FARS2: variants seen among roughly 807,000 people sequenced by gnomAD.
The protein encoded by FARS2 is phenylalanine--tRNA ligase, mitochondrial.
In FARS2, 40 loss-of-function variants were observed where a neutral mutation model predicts 46.4. The observed-to-expected ratio is 0.86, with a 90% CI of 0.67 to 1.12. The LOEUF (loss-of-function observed/expected upper bound fraction) is 1.12. Ranked by LOEUF, FARS2 falls within the 50% of genes most tolerant of loss-of-function variation. The pLI is 0.00. For synonymous variants in FARS2, 234 were observed against 214.9 expected (o/e 1.09, Z -0.78); for missense variants, 513 against 567.9 (o/e 0.90, Z 0.98).
chr6:5,464,352 G>C (rs868706557), intron 4 of FARS2, among the ~76,000 whole-genome samples: 13 of 152,302 alleles, frequency 8.5e-5, no homozygotes, highest in Middle Eastern at 3.4e-3. Flanking sequence ...ACCTGGACTG[G>C]CCCTCAGGCC....
At chr6:5,252,930 C>G in the FARS2 span, among the ~76,000 whole-genome samples, 12 of 152,092 alleles carry the variant, frequency 7.9e-5, no homozygotes, top group African/African-American at 2.7e-4. Context: ...AGAATAAGCC[C>G]CCAATTAAGC....
intron 6 of FARS2, among the ~76,000 whole-genome samples, chr6:5,663,450 CCCTGA>C (rs1777944779): frequency 6.6e-6 from 1 of 152,200 alleles, no homozygotes. Flanking sequence ...AATTGAAAAG[CCCTGA>C]CATTGACATT....
At chr6:5,613,381 A>C in intron 6 of FARS2, 61 bp downstream of exon 6, 1 of 1,491,390 alleles carries the variant, frequency 6.7e-7, no homozygotes, top group South Asian at 1.2e-5. Context: ...TGTCATGTGG[A>C]AGCATATCAT....
intron 4 of FARS2, among the ~76,000 whole-genome samples, chr6:5,444,266 C>CAA (rs1764016357): frequency 6.6e-6 from 1 of 151,818 alleles, no homozygotes; most frequent in Non-Finnish European, 1.5e-5. Flanking sequence ...CAGGAGTTCG[C>CAA]GACCAGCCTG....
chr6:5,591,118 A>C (rs1773894742), intron 5 of FARS2, among the ~76,000 whole-genome samples: 1 of 152,188 alleles, frequency 6.6e-6, no homozygotes, highest in African/African-American at 2.4e-5. Flanking sequence ...TGGATGAGGG[A>C]ATCTTTTGGT....
At chr6:5,705,225 G>A (rs6921003) in intron 6 of FARS2, among the ~76,000 whole-genome samples, 2,926 of 152,262 alleles carry the variant, frequency 0.019, 83 homozygotes, top group African/African-American at 0.065. Context: ...AGAAAATATA[G>A]TTTGAATCAT....
At chr6:5,268,648 G>C (rs995309829) in intron 1 of FARS2, among the ~76,000 whole-genome samples, 1 of 152,162 alleles carries the variant, frequency 6.6e-6, no homozygotes, top group Non-Finnish European at 1.5e-5. Context: ...GATGCCTCTA[G>C]CTTTGTTCTT....
intron 2 of FARS2, among the ~76,000 whole-genome samples, chr6:5,382,166 A>G (rs1016461715): frequency 6.6e-6 from 1 of 152,230 alleles, no homozygotes; most frequent in African/African-American, 2.4e-5. Flanking sequence ...AGAAAGATTT[A>G]CGTTTGACAA....
intron 6 of FARS2, among the ~76,000 whole-genome samples, chr6:5,678,395 G>T (rs1307489595): frequency 6.6e-6 from 1 of 152,188 alleles, no homozygotes; most frequent in Non-Finnish European, 1.5e-5. Context: ...CTGAGCTGGT[G>T]CCTTGAGGAG....
intron 1 of FARS2, among the ~76,000 whole-genome samples, chr6:5,279,978 G>A (rs768491383): frequency 2.0e-5 from 3 of 152,160 alleles, no homozygotes; most frequent in Admixed American, 1.3e-4. Context: ...TCATGTTGAC[G>A]TAAGACTAAC....
chr6:5,746,366 G>A (rs1761643192), intron 6 of FARS2, among the ~76,000 whole-genome samples: 1 of 152,150 alleles, frequency 6.6e-6, no homozygotes, highest in African/African-American at 2.4e-5. Flanking sequence ...TGCTTTATGT[G>A]TTTGACAACG....
intron 6 of FARS2, among the ~76,000 whole-genome samples, chr6:5,653,486 G>C (rs1469294566): frequency 1.3e-5 from 2 of 152,214 alleles, no homozygotes; most frequent in African/African-American, 2.4e-5. Flanking sequence ...GACGAGTAAA[G>C]CAGGCTCAGC....
At chr6:5,438,823 A>T (rs2127783062) in intron 4 of FARS2, among the ~76,000 whole-genome samples, 1 of 152,268 alleles carries the variant, frequency 6.6e-6, no homozygotes, top group Non-Finnish European at 1.5e-5. Context: ...AAAGTTTCAT[A>T]TTTTGGAGCA....
In FARS2 at chr6:5,585,784, A is replaced by G. The variant is rs557360360; in HGVS notation, c.1066-27385A>G. Among the ~76,000 whole-genome samples the G allele has an allele frequency of 1.5e-4, 23 of 152,106 alleles. No individual in the cohort carries two copies. In the South Asian group the frequency reaches 1.9e-3, roughly 12 times the overall value. On this transcript the variant is annotated intron_variant, in intron 5 of 6. Transcript: ENST00000274680. ...TACATATAAACACTTATATACACAT[A>G]TATATGTCAATTTCTTTATTCATTT...
intron 5 of FARS2, among the ~76,000 whole-genome samples, chr6:5,611,905 G>C (rs1445531625): frequency 1.3e-5 from 2 of 152,112 alleles, no homozygotes; most frequent in African/African-American, 2.4e-5. Context: ...GCTAATTCTT[G>C]GCAATCTCAG....
chr6:5,583,732 C>A (rs1469039139), intron 5 of FARS2, among the ~76,000 whole-genome samples: 1 of 152,178 alleles, frequency 6.6e-6, no homozygotes, highest in African/African-American at 2.4e-5. Context: ...AGGCCTAAGG[C>A]CACAGGACTC....
intron 6 of FARS2, among the ~76,000 whole-genome samples, chr6:5,709,228 C>T (rs1444475193): frequency 6.6e-6 from 1 of 152,076 alleles, no homozygotes; most frequent in Admixed American, 6.5e-5. Context: ...GGGGTTGAGG[C>T]CATAGATGCT....
At chr6:5,579,168 G>A (rs1407589840) in intron 5 of FARS2, among the ~76,000 whole-genome samples, 1 of 152,184 alleles carries the variant, frequency 6.6e-6, no homozygotes, top group Non-Finnish European at 1.5e-5. Context: ...CCTGCTGGAA[G>A]TTGCTATATG....
At chr6:5,638,140 T>C (rs1189374196) in intron 6 of FARS2, among the ~76,000 whole-genome samples, 2 of 152,196 alleles carry the variant, frequency 1.3e-5, no homozygotes, top group Non-Finnish European at 2.9e-5. Context: ...GTCCAGTCAC[T>C]CTCTGATCCT....
Sources: allele counts gnomAD v4.1 joint callset (sites outside exome capture counted in the v4.1 genomes callset), GRCh38; gene constraint gnomAD v4.1.1; transcripts MANE v1.5; gene names NCBI Gene and HGNC (gene_info 2026-07-23, HGNC 2026-07-21).